The following GPC5 variants were observed in gnomAD, a reference collection of about 807,000 sequenced individuals.
GPC5 encodes glypican-5.
In GPC5, 47 loss-of-function variants were observed where a neutral mutation model predicts 53.9. That is an observed-to-expected ratio of 0.87 (90% CI 0.69 to 1.11). The LOEUF (loss-of-function observed/expected upper bound fraction) is 1.11, where lower values mean the gene tolerates loss of function less well. Ranked by LOEUF, GPC5 falls within the 50% of genes most tolerant of loss-of-function variation. GPC5 has a pLI of 0.00. For missense variants in GPC5, 748 were observed against 713.1 expected (o/e 1.05, Z -0.56); for synonymous variants, 286 against 263.3 (o/e 1.09, Z -0.84).
At chr13:92,792,222 C>T (rs1489224301) in intron 7 of GPC5, among the ~76,000 whole-genome samples, 4 of 152,036 alleles carry the variant, frequency 2.6e-5, no homozygotes, top group African/African-American at 7.2e-5. Context: ...TCGGCAGAAA[C>T]CCTACAAGCC....
intron 7 of GPC5, among the ~76,000 whole-genome samples, chr13:92,210,699 T>C (rs928655180): frequency 2.0e-5 from 3 of 152,198 alleles, no homozygotes; most frequent in Non-Finnish European, 2.9e-5. Context: ...ATAAATCATA[T>C]ATAAAACAAA....
chr13:92,859,549 T>C (rs1475912882), intron 7 of GPC5, among the ~76,000 whole-genome samples: 1 of 152,110 alleles, frequency 6.6e-6, no homozygotes, highest in South Asian at 2.1e-4. Context: ...TTCAGCCTTA[T>C]ACTTTTTAAA....
rs557824426 is a variant in GPC5 at position 92,811,584 on chromosome 13, T to C, written c.1562-54698T>C. 7.2e-5 allele frequency among the ~76,000 whole-genome samples: 11 copies of C among 152,126 alleles called. No individual in the cohort carries two copies. The South Asian group carries it at 2.3e-3, about 31-fold the overall frequency. ...TCCATAGGTTGCCTTTTTAGTTTCT[T>C]AATAATGTCTTTGATGCAGAAACAT... On this transcript the variant is annotated intron_variant, in intron 7 of 7. Coordinates refer to ENST00000377067, the MANE Select transcript of GPC5 (RefSeq NM_004466.6).
chr13:92,646,732 G>C lies in GPC5; in HGVS notation c.1562-219550G>C, dbSNP rs142714163. ...TTTTAATTTCCAGTACACAAATCTT[G>C]CTTATATTTTACTAGATCTATTCTG... On this transcript the variant is annotated intron_variant, in intron 7 of 7. Coordinates refer to ENST00000377067, the MANE Select transcript of GPC5 (RefSeq NM_004466.6). Among the ~76,000 whole-genome samples, 9 of 151,634 alleles carry C rather than the reference G, an allele frequency of 5.9e-5. No individual in the cohort carries two copies. In the East Asian group the frequency reaches 1.7e-3, roughly 29 times the overall value.
In GPC5 at chr13:92,336,315, T is replaced by G. The variant is rs531388523; in HGVS notation, c.1561+191326T>G. The stretch of plus-strand genomic sequence containing the variant: ...CTTATAATTATCAGGTAGCTGATAA[T>G]TTTTTTGGCTATGTCTTTACAGTGA... On this transcript the variant is annotated intron_variant, in intron 7 of 7. Transcript: ENST00000377067. 2.6e-5 allele frequency among the ~76,000 whole-genome samples: 4 copies of G among 152,302 alleles called. No homozygotes were observed. In the East Asian group the frequency reaches 7.7e-4, roughly 29 times the overall value.
intron 7 of GPC5, among the ~76,000 whole-genome samples, chr13:92,342,392 C>A (rs2043374595): frequency 6.6e-6 from 1 of 152,090 alleles, no homozygotes; most frequent in Non-Finnish European, 1.5e-5. Context: ...ATTGTTTAAA[C>A]CCATCCCCAA....
intron 6 of GPC5, among the ~76,000 whole-genome samples, chr13:91,941,184 C>T (rs1594676881): frequency 6.6e-6 from 1 of 152,078 alleles, no homozygotes; most frequent in Admixed American, 6.6e-5. Flanking sequence ...TTTCACTGCT[C>T]TCTATTTTAT....
chr13:92,616,752 G>A (rs1328045634), intron 7 of GPC5, among the ~76,000 whole-genome samples: 1 of 152,068 alleles, frequency 6.6e-6, no homozygotes, highest in Non-Finnish European at 1.5e-5. Flanking sequence ...CTGTAACATA[G>A]GATTATCTCT....
intron 2 of GPC5, among the ~76,000 whole-genome samples, chr13:91,530,842 A>G (rs1427291532): frequency 6.6e-6 from 1 of 152,190 alleles, no homozygotes; most frequent in African/African-American, 2.4e-5. Flanking sequence ...GTGTATGACT[A>G]TAACCCCCAA....
chr13:92,681,925 T>C (rs1887122705), intron 7 of GPC5, among the ~76,000 whole-genome samples: 1 of 152,208 alleles, frequency 6.6e-6, no homozygotes, highest in African/African-American at 2.4e-5. Context: ...AGTCTCACAG[T>C]TCATTAGGCA....
chr13:92,464,570 A>G (rs554317081), intron 7 of GPC5, among the ~76,000 whole-genome samples: 1 of 152,226 alleles, frequency 6.6e-6, no homozygotes, highest in East Asian at 1.9e-4. Context: ...CATGATTAAC[A>G]TAGTTTACTG....
At chr13:92,269,309 ATT>A (rs752225954) in intron 7 of GPC5, among the ~76,000 whole-genome samples, 2 of 152,240 alleles carry the variant, frequency 1.3e-5, no homozygotes, top group South Asian at 4.2e-4. Flanking sequence ...TCTGTATGCT[ATT>A]AGGTTGTAAT....
chr13:92,493,008 A>G (rs1879824069), intron 7 of GPC5, among the ~76,000 whole-genome samples: 1 of 152,216 alleles, frequency 6.6e-6, no homozygotes, highest in Non-Finnish European at 1.5e-5. Flanking sequence ...ATAAATGACA[A>G]TAAGCCTGTT....
intron 2 of GPC5, among the ~76,000 whole-genome samples, chr13:91,550,836 T>C (rs2138821294): frequency 6.6e-6 from 1 of 152,170 alleles, no homozygotes; most frequent in South Asian, 2.1e-4. Context: ...TCTCAGAAGA[T>C]CTTATAGTTT....
At chr13:91,694,343 T>C (rs2035833763) in intron 3 of GPC5, among the ~76,000 whole-genome samples, 1 of 152,238 alleles carries the variant, frequency 6.6e-6, no homozygotes, top group Non-Finnish European at 1.5e-5. Flanking sequence ...TCAGAAGCAT[T>C]TGGCTTTAAA....
chr13:92,752,728 G>T (rs560022233), intron 7 of GPC5, among the ~76,000 whole-genome samples: 2 of 151,850 alleles, frequency 1.3e-5, no homozygotes, highest in African/African-American at 4.8e-5. Context: ...AAGGGGTGAC[G>T]GAGGGCACCT....
chr13:91,923,379 C>T lies in GPC5; in HGVS notation c.1401+15322C>T, dbSNP rs561798013. Among the ~76,000 whole-genome samples, 4 of 152,208 alleles carry T rather than the reference C, an allele frequency of 2.6e-5. No homozygotes were observed. The South Asian group carries it at 8.3e-4, about 32-fold the overall frequency. The stretch of plus-strand genomic sequence containing the variant: ...TCAGCAGCACTTAACCAGATGGCCC[C>T]CTATAGTTTTGAAGCAGTTAATGCA... On this transcript the variant is annotated intron_variant, in intron 6 of 7. Transcript: ENST00000377067.
intron 2 of GPC5, among the ~76,000 whole-genome samples, chr13:91,537,021 A>G (rs1285275190): frequency 6.6e-6 from 1 of 152,230 alleles, no homozygotes; most frequent in South Asian, 2.1e-4. Context: ...AATACAATGT[A>G]CCAAAACTTA....
intron 6 of GPC5, among the ~76,000 whole-genome samples, chr13:91,916,951 C>T (rs887938781): frequency 2.0e-5 from 3 of 152,178 alleles, no homozygotes; most frequent in Non-Finnish European, 4.4e-5. Context: ...ACAGCCAAAC[C>T]ATATGATTCT....
Sources: allele counts gnomAD v4.1 joint callset (sites outside exome capture counted in the v4.1 genomes callset), GRCh38; gene constraint gnomAD v4.1.1; transcripts MANE v1.5; gene names NCBI Gene and HGNC (gene_info 2026-07-23, HGNC 2026-07-21).